The following PCNX1 variants were observed in gnomAD, a reference collection of about 807,000 sequenced individuals.
The protein encoded by PCNX1 is pecanex 1.
PCNX1 carries 78 observed loss-of-function variants against 242.2 expected under a neutral mutation model. That is an observed-to-expected ratio of 0.32 (90% confidence interval 0.27 to 0.39). PCNX1 has a LOEUF of 0.39. PCNX1 is among the 10% of genes least tolerant of loss of function. PCNX1 has a pLI of 1.00. For missense variants in PCNX1, 2,581 were observed against 2,856.5 expected (o/e 0.90, Z 2.20); for synonymous variants, 1,024 against 1,032.9 (o/e 0.99, Z 0.17).
chr14:71,103,418 T>G lies in PCNX1; in HGVS notation c.5844T>G (p.Gly1948=). ...AGGTGAATAAGGAATGTGTCCGAGGTCTTTGGGCAGGGCAACAGCAGGAGC... is the reference window on the plus strand; with the variant it reads ...AGGTGAATAAGGAATGTGTCCGAGGGCTTTGGGCAGGGCAACAGCAGGAGC... ...VIKVNKECVR[G]LWAGQQQELV... is the part of the protein sequence containing the mutation. Residue 1948 remains glycine, a synonymous_variant, in exon 32 of 36, where the codon GGT becomes GGG. Coordinates refer to ENST00000304743, the MANE Select transcript of PCNX1 (RefSeq NM_014982.3). The G allele has an allele frequency of 6.2e-7, 1 of 1,614,158 alleles. No individual in the cohort carries two copies.
At chr14:71,055,008 A>G (rs1051225006) in intron 24 of PCNX1, among the ~76,000 whole-genome samples, 1 of 152,220 alleles carries the variant, frequency 6.6e-6, no homozygotes, top group Non-Finnish European at 1.5e-5. Flanking sequence ...CAGTGTAAAA[A>G]GCAAATAACA....
rs2062583750 is a variant in PCNX1 at position 71,105,369 on chromosome 14, G to A, written c.6230G>A (p.Ser2077Asn). ...NNPHSNVTQGSIGNPGQGSGT... is the reference protein window; with the variant it reads ...NNPHSNVTQGNIGNPGQGSGT... Reference sequence around the variant, plus strand: ...CCCCACAGCAACGTGACCCAGGGAAGCATTGGAAATCCTGGGCAGGGATCA... The same window carrying A: ...CCCCACAGCAACGTGACCCAGGGAAACATTGGAAATCCTGGGCAGGGATCA... Residue 2077 changes from serine (S) to asparagine (N), a missense_variant, in exon 33 of 36, where the codon AGC becomes AAC. Coordinates refer to ENST00000304743, the MANE Select transcript of PCNX1 (RefSeq NM_014982.3). The A allele has an allele frequency of 1.2e-6, 2 of 1,613,964 alleles. No individual in the cohort carries two copies. Among genetic ancestry groups the A allele is most frequent in the South Asian group, 1.1e-5 (1 of 91,084 alleles).
intron 1 of PCNX1, among the ~76,000 whole-genome samples, chr14:70,924,001 C>T (rs896313970): frequency 6.6e-6 from 1 of 152,096 alleles, no homozygotes; most frequent in South Asian, 2.1e-4. Flanking sequence ...GAGGCCGAGG[C>T]AGGCAGATTG....
Position 70,978,330 on chromosome 14 carries a change from G to A in PCNX1, c.1993G>A (p.Val665Ile), listed in dbSNP as rs1452495949. The change falls in exon 6 of 36, where the codon GTT (valine) becomes ATT (isoleucine). Residue 665 changes from valine to isoleucine, a missense_variant. Around this residue, in one of 9 missense-constraint regions of PCNX1, gnomAD observed 1,204 missense variants for 1,216.7 expected, o/e 0.99. Transcript: ENST00000304743. Reference sequence around the variant, plus strand: ...TGAACACACACACAAAGCTCATTTGGTTCCTGAAGGAACCAGCAAAAAGCG... The same window carrying A: ...TGAACACACACACAAAGCTCATTTGATTCCTGAAGGAACCAGCAAAAAGCG... Reference protein sequence around the residue: ...DSEHTHKAHLVPEGTSKKRAT... With the variant: ...DSEHTHKAHLIPEGTSKKRAT... The A allele has an allele frequency of 1.1e-5, 17 of 1,614,042 alleles. No individual in the cohort carries two copies. Among genetic ancestry groups the A allele is most frequent in the Non-Finnish European group, 1.4e-5 (16 of 1,180,030 alleles).
intron 1 of PCNX1, among the ~76,000 whole-genome samples, chr14:70,914,223 T>C (rs1037042278): frequency 6.6e-6 from 1 of 152,132 alleles, no homozygotes; most frequent in Non-Finnish European, 1.5e-5. Flanking sequence ...AAGCTATACA[T>C]TGGCTACTGT....
chr14:71,052,876 G>A (rs528474460), intron 24 of PCNX1, among the ~76,000 whole-genome samples: 2 of 152,096 alleles, frequency 1.3e-5, no homozygotes, highest in African/African-American at 4.8e-5. Context: ...TTCAGAAAGC[G>A]TTCCTAAAAG....
At chr14:71,014,663 TAATG>T (rs1413685134) in intron 11 of PCNX1, among the ~76,000 whole-genome samples, 3 of 149,796 alleles carry the variant, frequency 2.0e-5, no homozygotes, top group Admixed American at 6.8e-5. Flanking sequence ...GAAGGCATAA[TAATG>T]GAAACTATCC....
At chr14:70,918,645 T>C (rs1325437687) in intron 1 of PCNX1, among the ~76,000 whole-genome samples, 4 of 152,210 alleles carry the variant, frequency 2.6e-5, no homozygotes, top group Non-Finnish European at 5.9e-5. Context: ...TTGTACAAAA[T>C]GCAGTATCTG....
chr14:71,072,196 G>C (rs1239755563), intron 26 of PCNX1, among the ~76,000 whole-genome samples: 1 of 152,168 alleles, frequency 6.6e-6, no homozygotes, highest in Admixed American at 6.5e-5. Flanking sequence ...CTTGACACAA[G>C]GTTGTCAAAA....
At chr14:71,044,913 G>C (rs924792188) in intron 19 of PCNX1, among the ~76,000 whole-genome samples, 1 of 152,194 alleles carries the variant, frequency 6.6e-6, no homozygotes, top group African/African-American at 2.4e-5. Context: ...TAGTTAACCC[G>C]TTTCAAAATA....
intron 1 of PCNX1, among the ~76,000 whole-genome samples, chr14:70,927,837 C>G (rs922592744): frequency 6.6e-6 from 1 of 152,098 alleles, no homozygotes; most frequent in African/African-American, 2.4e-5. Context: ...ATCCTCCCAC[C>G]TTGGCCTCCC....
intron 1 of PCNX1, among the ~76,000 whole-genome samples, chr14:70,941,387 G>A (rs1034270902): frequency 6.6e-6 from 1 of 152,172 alleles, no homozygotes; most frequent in Non-Finnish European, 1.5e-5. Flanking sequence ...GGAGTTTGCT[G>A]GAGGTCCACT....
rs567715991 is a variant in PCNX1 at position 71,097,552 on chromosome 14, G to C, written c.5590-4438G>C. On this transcript the variant is annotated intron_variant, in intron 30 of 35. Coordinates refer to ENST00000304743, the MANE Select transcript of PCNX1 (RefSeq NM_014982.3). ...GATTTCTTTGATGATTCGTGTTGTT[G>C]AGCATTTTTTCACACTTGTTTGCTC... Among the ~76,000 whole-genome samples the C allele has an allele frequency of 3.9e-5, 6 of 152,258 alleles. No homozygotes were observed. In the South Asian group the frequency reaches 1.0e-3, roughly 26 times the overall value.
Position 71,019,090 on chromosome 14 carries a change from A to G in PCNX1, c.3078A>G (p.Gln1026=). The part of the protein sequence containing the change: ...VAFLGSILLI[Q]GFFRDIWVFQ... ...TTTTGGGATCTATTCTTCTCATACA[A>G]GGATTCTTCAGAGATATCTGGGTCT... Residue 1026 remains glutamine, a synonymous_variant, in exon 12 of 36, where the codon CAA becomes CAG. Transcript: ENST00000304743. 3.1e-6 allele frequency: 5 copies of G among 1,613,414 alleles called. No individual in the cohort carries two copies. The highest frequency in any genetic ancestry group is 4.2e-6 in the Non-Finnish European group (5 of 1,179,600).
At chr14:71,019,473 C>G (rs907911481) in intron 12 of PCNX1, among the ~76,000 whole-genome samples, 1 of 152,174 alleles carries the variant, frequency 6.6e-6, no homozygotes, top group African/African-American at 2.4e-5. Context: ...TGCTATCTGG[C>G]TCACTGCAAC....
At chr14:70,999,803 C>G (rs983912701) in intron 8 of PCNX1, among the ~76,000 whole-genome samples, 1 of 152,086 alleles carries the variant, frequency 6.6e-6, no homozygotes, top group South Asian at 2.1e-4. Context: ...AAAGCAGAGA[C>G]TCAGGTGATC....
chr14:70,947,140 C>T lies in PCNX1; in HGVS notation c.362+17C>T, dbSNP rs374547140. On this transcript the variant is annotated intron_variant, in intron 2 of 35. Transcript: ENST00000304743. ...TGGACCGAGGTAAGGAAACCTATGT[C>T]ATTGATTGATCGTAATGATTTAGAT... The T allele has an allele frequency of 8.6e-4, 1,299 of 1,518,160 alleles. 2 individuals carry two copies. Among genetic ancestry groups the T allele is most frequent in the South Asian group, 3.7e-3 (321 of 86,850 alleles). The allele number at this position is 1,518,160 out of a possible 1,614,324, so 94.0% of individuals were successfully genotyped here.
At chr14:70,985,375 C>T (rs1308324561) in intron 6 of PCNX1, among the ~76,000 whole-genome samples, 2 of 151,900 alleles carry the variant, frequency 1.3e-5, no homozygotes, top group African/African-American at 4.8e-5. Flanking sequence ...CCACCACACC[C>T]GCTAATTTTT....
At position 71,111,056 on chromosome 14, in the gene PCNX1, CTTT is replaced by C. The variant is rs1350237056; in HGVS notation, c.*1124_*1126del. 1 of 152,400 alleles carries C rather than the reference CTTT, an allele frequency of 6.6e-6. No individual in the cohort carries two copies. Among genetic ancestry groups the C allele is most frequent in the Non-Finnish European group, 1.5e-5 (1 of 67,974 alleles). 9.4% of individuals were successfully genotyped at this position (152,400 alleles called of 1,614,324 possible). ...ATTATATCCCTCTTTAATAATTTTG[CTTT>C]TTATTTTTCCCCTCTTCTTTTTCTG... On this transcript the variant is annotated 3_prime_UTR_variant, in exon 36 of 36. Coordinates refer to ENST00000304743, the MANE Select transcript of PCNX1 (RefSeq NM_014982.3).
Sources: gnomAD v4.1 joint callset for allele counts (sites outside exome capture counted in the v4.1 genomes callset) on GRCh38, gnomAD v4.1.1 for gene constraint, gnomAD v4.1.1 regional missense constraint, MANE v1.5 for transcripts, NCBI Gene and HGNC (gene_info 2026-07-23, HGNC 2026-07-21) for gene names.